Variants in CNTN5 observed in about 807,000 individuals in gnomAD.
CNTN5 encodes contactin-5.
CNTN5 carries 77 observed loss-of-function variants against 129.1 expected under a neutral mutation model. The observed-to-expected ratio is 0.60, with a 90% CI of 0.50 to 0.72. The LOEUF (loss-of-function observed/expected upper bound fraction) is 0.72. Among genes scored for constraint, CNTN5 ranks in the 30% least tolerant of loss-of-function variants. The pLI, the probability that CNTN5 is intolerant of heterozygous loss-of-function variation, is 0.00. For synonymous variants in CNTN5, 509 were observed against 465.6 expected (o/e 1.09, Z -1.20); for missense variants, 1,478 against 1,328.8 (o/e 1.11, Z -1.75).
chr11:100,031,868 CT>C (rs1290861874), intron 9 of CNTN5, among the ~76,000 whole-genome samples: 2 of 152,184 alleles, frequency 1.3e-5, no homozygotes, highest in Non-Finnish European at 2.9e-5. Flanking sequence ...TAACCTACCC[CT>C]GCCCTCACTA....
chr11:99,151,421 C>T (rs1860052138), intron 1 of CNTN5, among the ~76,000 whole-genome samples: 1 of 152,090 alleles, frequency 6.6e-6, no homozygotes, highest in Non-Finnish European at 1.5e-5. Context: ...TTAGCATTCC[C>T]TTCTTGTCTT....
intron 8 of CNTN5, among the ~76,000 whole-genome samples, chr11:99,986,260 G>T (rs1036206590): frequency 6.6e-6 from 1 of 151,972 alleles, no homozygotes; most frequent in African/African-American, 2.4e-5. Flanking sequence ...TACTCACTTG[G>T]CAAACCTCTT....
At chr11:99,280,940 A>G (rs1285999992) in intron 1 of CNTN5, among the ~76,000 whole-genome samples, 3 of 151,420 alleles carry the variant, frequency 2.0e-5, no homozygotes, top group East Asian at 3.9e-4. Flanking sequence ...CAAGGAATCA[A>G]GGAAATAAAA....
intron 3 of CNTN5, among the ~76,000 whole-genome samples, chr11:99,627,293 CA>C (rs1951167175): frequency 1.3e-5 from 2 of 152,222 alleles, no homozygotes; most frequent in South Asian, 2.1e-4. Flanking sequence ...TGAACATTTC[CA>C]AACTGAACTA....
intron 2 of CNTN5, among the ~76,000 whole-genome samples, chr11:99,338,652 A>C (rs1866345957): frequency 5.3e-5 from 8 of 152,008 alleles, no homozygotes; most frequent in Admixed American, 5.2e-4. Flanking sequence ...TGAGGCTTAA[A>C]ATCAAATTAA....
intron 3 of CNTN5, among the ~76,000 whole-genome samples, chr11:99,748,500 T>G (rs1944130915): frequency 6.6e-6 from 1 of 152,052 alleles, no homozygotes; most frequent in African/African-American, 2.4e-5. Flanking sequence ...GTCCAGAAAG[T>G]TCTACAATAT....
chr11:99,332,704 TG>T (rs1480666113), intron 2 of CNTN5, among the ~76,000 whole-genome samples: 1 of 152,086 alleles, frequency 6.6e-6, no homozygotes, highest in Non-Finnish European at 1.5e-5. Context: ...CTTCAAGTGA[TG>T]ATCTATTATC....
intron 2 of CNTN5, among the ~76,000 whole-genome samples, chr11:99,457,812 T>A (rs1438100532): frequency 6.6e-6 from 1 of 151,796 alleles, no homozygotes; most frequent in Non-Finnish European, 1.5e-5. Flanking sequence ...GTATTTTTTT[T>A]AAATGGTCAT....
chr11:99,556,152 T>A lies in CNTN5; in HGVS notation c.-63T>A. On this transcript the variant is annotated 5_prime_UTR_variant, in exon 3 of 25. Transcript: ENST00000524871. ...GTTATCTATCTCAAACAGGGCACTC[T>A]TTAATGAAGAAACACCAGAGCTGTT... 1 of 970,070 alleles carries A rather than the reference T, an allele frequency of 1.0e-6. No homozygotes were observed. Among genetic ancestry groups the A allele is most frequent in the South Asian group, 2.0e-5 (1 of 49,490 alleles). The allele number at this position is 970,070 out of a possible 1,614,324, so 60.1% of individuals were successfully genotyped here. A position where few individuals can be genotyped will look rare whatever the true frequency, so the allele number is the denominator to read the frequency against.
intron 1 of CNTN5, among the ~76,000 whole-genome samples, chr11:99,310,886 C>T (rs1376467819): frequency 2.0e-5 from 3 of 151,960 alleles, no homozygotes; most frequent in Non-Finnish European, 2.9e-5. Flanking sequence ...TGAGCATATA[C>T]CTTTTTCCTC....
At chr11:100,032,615 A>G (rs1323652080) in intron 9 of CNTN5, among the ~76,000 whole-genome samples, 1 of 151,946 alleles carries the variant, frequency 6.6e-6, no homozygotes, top group Non-Finnish European at 1.5e-5. Context: ...TAATTCTTGT[A>G]TGACTTTGTT....
At chr11:99,631,023 A>C (rs1287911742) in intron 3 of CNTN5, among the ~76,000 whole-genome samples, 1 of 152,154 alleles carries the variant, frequency 6.6e-6, no homozygotes, top group Non-Finnish European at 1.5e-5. Flanking sequence ...ATTTGTCCTG[A>C]CTAAAAACAC....
rs1004773418 is a variant in CNTN5 at position 99,226,890 on chromosome 11, T to C, written c.-209-98456T>C. 7.9e-5 allele frequency among the ~76,000 whole-genome samples: 12 copies of C among 152,312 alleles called. No individual in the cohort carries two copies. The South Asian group carries it at 2.5e-3, about 32-fold the overall frequency. ...TGTGTGATATTATTAGGTGAGCTAG[T>C]AACTTTCTTGATCATTAGTTACCTC... On this transcript the variant is annotated intron_variant, in intron 1 of 24. Transcript: ENST00000524871.
At chr11:99,594,784 CACA>C (rs1338422452) in intron 3 of CNTN5, among the ~76,000 whole-genome samples, 1 of 152,172 alleles carries the variant, frequency 6.6e-6, no homozygotes, top group Admixed American at 6.5e-5. Context: ...TTAAATCCAG[CACA>C]ACAATGTAAA....
chr11:100,148,449 G>A (rs903512421), intron 13 of CNTN5, among the ~76,000 whole-genome samples: 1 of 152,146 alleles, frequency 6.6e-6, no homozygotes, highest in Non-Finnish European at 1.5e-5. Context: ...GCCCTTCCAA[G>A]CTTTAACAAT....
At chr11:99,900,763 A>G (rs1949335630) in intron 6 of CNTN5, among the ~76,000 whole-genome samples, 1 of 152,158 alleles carries the variant, frequency 6.6e-6, no homozygotes, top group Admixed American at 6.5e-5. Flanking sequence ...TTTACATTCA[A>G]GATTGATATT....
intron 1 of CNTN5, among the ~76,000 whole-genome samples, chr11:99,096,054 G>A (rs1866457246): frequency 6.6e-6 from 1 of 151,870 alleles, no homozygotes; most frequent in Non-Finnish European, 1.5e-5. Flanking sequence ...CAACATAGAT[G>A]TTTTAGTTGA....
chr11:99,372,799 A>C (rs896650351), intron 2 of CNTN5, among the ~76,000 whole-genome samples: 3 of 152,268 alleles, frequency 2.0e-5, no homozygotes, highest in Admixed American at 2.0e-4. Context: ...GTTATAAAGC[A>C]AAAAATTGCT....
intron 1 of CNTN5, among the ~76,000 whole-genome samples, chr11:99,117,370 C>G (rs1392397466): frequency 1.3e-5 from 2 of 152,156 alleles, no homozygotes; most frequent in African/African-American, 4.8e-5. Context: ...TTTCTGGTGA[C>G]TGTCCTACCC....
Sources: allele counts gnomAD v4.1 joint callset (sites outside exome capture counted in the v4.1 genomes callset), GRCh38; gene constraint gnomAD v4.1.1; transcripts MANE v1.5; gene names NCBI Gene and HGNC (gene_info 2026-07-23, HGNC 2026-07-21).